Variants in GIT2 observed in about 807,000 individuals in gnomAD.
GIT2 encodes GIT ArfGAP 2.
In GIT2, 32 loss-of-function variants were observed where a neutral mutation model predicts 100.3. The observed-to-expected ratio is 0.32, with a 90% confidence interval of 0.24 to 0.43. GIT2 has a LOEUF of 0.43. Ranked by LOEUF, GIT2 falls within the 20% of genes least tolerant of loss-of-function variation. The pLI is 1.00. For synonymous variants in GIT2, 353 were observed against 364.1 expected (o/e 0.97, Z 0.35); for missense variants, 737 against 975.1 (o/e 0.76, Z 3.25).
intron 16 of GIT2, among the ~76,000 whole-genome samples, 157 bp downstream of exon 16, chr12:109,945,093 ATGTGGACGAG>A (rs1162449671): frequency 6.6e-6 from 1 of 152,182 alleles, no homozygotes; most frequent in East Asian, 1.9e-4. Context: ...GTGAGCGTGC[ATGTGGACGAG>A]TGTGAGCCTG....
chr12:109,990,105 T>G (rs1888107728), intron 2 of GIT2, among the ~76,000 whole-genome samples: 1 of 152,192 alleles, frequency 6.6e-6, no homozygotes, highest in South Asian at 2.1e-4. Context: ...TAAACACTAT[T>G]TTCAACATTC....
intron 9 of GIT2, among the ~76,000 whole-genome samples, chr12:109,965,325 C>G (rs1333486720): frequency 6.6e-6 from 1 of 152,230 alleles, no homozygotes; most frequent in Non-Finnish European, 1.5e-5. Context: ...TTATCTGAAG[C>G]AGAACCAATG....
In GIT2 at chr12:109,938,490, C is replaced by T. The variant is rs141481476; in HGVS notation, c.1893G>A (p.Val631=). 365 of 1,613,846 alleles carry T rather than the reference C, an allele frequency of 2.3e-4. 2 individuals are homozygous for T. In the African/African-American group the frequency reaches 4.6e-3, roughly 20 times the overall value. The change falls in exon 18 of 20, where the codon GTG becomes GTA. Residue 631 remains valine (V), a synonymous_variant. Transcript: ENST00000355312. ...TGCTAGGGAGAGTGGGGCTTGGGGC[C>T]ACATGGGGTTCTGCTGTGTCTGGTA... is the stretch of plus-strand genomic sequence containing the variant. The part of the protein sequence containing the change: ...GLVPDTAEPH[V]APSPTLPSTE...
chr12:109,939,303 G>A, intron 16 of GIT2, 56 bp from the exon 17 acceptor site: 1 of 984,840 alleles, frequency 1.0e-6, no homozygotes, highest in Non-Finnish European at 1.6e-6. Flanking sequence ...CTTCTCAGGA[G>A]TCTTCCCCAG....
At chr12:109,968,855 A>G (rs9634317) in intron 7 of GIT2, among the ~76,000 whole-genome samples, 28,530 of 151,908 alleles carry the variant, frequency 0.19, 4,936 homozygotes, top group African/African-American at 0.47. Flanking sequence ...CTGAGTAGCC[A>G]GGACTACAGG....
chr12:109,980,848 G>T, intron 7 of GIT2, 104 bp downstream of exon 7: 1 of 744,446 alleles, frequency 1.3e-6, no homozygotes, highest in Non-Finnish European at 2.5e-6. Context: ...AGCTTTCTCA[G>T]TGATATGTTA....
At chr12:109,936,521 G>A (rs1317546743) in intron 18 of GIT2, among the ~76,000 whole-genome samples, 2 of 152,152 alleles carry the variant, frequency 1.3e-5, no homozygotes, top group Non-Finnish European at 2.9e-5. Flanking sequence ...TGACAAATGG[G>A]GTCACGGTGC....
At chr12:109,945,964 G>A (rs977605464) in intron 15 of GIT2, among the ~76,000 whole-genome samples, 23 of 151,984 alleles carry the variant, frequency 1.5e-4, no homozygotes, top group African/African-American at 1.4e-4. Flanking sequence ...ATGAAACCCC[G>A]TCTCTACTAA....
rs1872228330 is a variant in GIT2, at chr12:109,933,802, T to C, written c.2067+220A>G. 2.0e-6 allele frequency: 1 copy of C among 499,208 alleles called. No individual in the cohort carries two copies. The highest frequency in any genetic ancestry group is 3.7e-5 in the East Asian group (1 of 26,904). 30.9% of individuals were successfully genotyped at this position (499,208 alleles called of 1,614,324 possible). On this transcript the variant is annotated intron_variant, in intron 19 of 19. Coordinates refer to ENST00000355312, the MANE Select transcript of GIT2 (RefSeq NM_057169.5). The surrounding 1 kb of genome is among the most constrained non-coding windows in gnomAD (Gnocchi z 4.5). ...TTTTAGTAGAGACAGGGTCTCTCCA[T>C]GTTGGTCAGGCTGGCCTCGAACTCC...
At chr12:109,969,162 C>CTTTTTTTTT (rs71079595) in intron 7 of GIT2, among the ~76,000 whole-genome samples, 1 of 89,134 alleles carries the variant, frequency 1.1e-5, no homozygotes, top group African/African-American at 4.7e-5. Flanking sequence ...AAAACTTTTC[C>CTTTTTTTTT]TTTTTTTTTT....
rs565836526 is a variant in GIT2 at position 109,969,779 on chromosome 12, G to A, written c.719-2276C>T. Among the ~76,000 whole-genome samples the A allele has an allele frequency of 8.7e-5, 13 of 149,352 alleles. No homozygotes were observed. In the South Asian group the frequency reaches 2.1e-3, roughly 25 times the overall value. On this transcript the variant is annotated intron_variant, in intron 7 of 19. Transcript: ENST00000355312. ...TATGTTTTCTTTTTTTTTTTGAGAC[G>A]CGGTCTCACTCTGTCGCCCAGGCTG...
intron 9 of GIT2, among the ~76,000 whole-genome samples, chr12:109,964,313 T>A (rs933905853): frequency 6.6e-6 from 1 of 152,124 alleles, no homozygotes; most frequent in Non-Finnish European, 1.5e-5. Flanking sequence ...ATAAAACACA[T>A]TTATTTCATA....
At chr12:109,938,762 T>C in intron 17 of GIT2, 194 bp from the exon 18 acceptor site, 1 of 533,198 alleles carries the variant, frequency 1.9e-6, no homozygotes, top group South Asian at 2.9e-5. Context: ...GCTGGAAGTG[T>C]TGACTCTCAC....
At chr12:109,987,652 G>A (rs1887650980) in intron 4 of GIT2, among the ~76,000 whole-genome samples, 1 of 151,814 alleles carries the variant, frequency 6.6e-6, no homozygotes, top group East Asian at 2.0e-4. Context: ...ATTCTTTGTA[G>A]AGACGGGGTT....
At chr12:109,967,534 C>A in intron 7 of GIT2, 31 bp from the exon 8 acceptor site, 1 of 1,483,082 alleles carries the variant, frequency 6.7e-7, no homozygotes, top group South Asian at 1.1e-5. Context: ...AAGTTTTGTT[C>A]ATAGAAATGT....
Position 109,981,010 on chromosome 12 carries a change from C to T in GIT2, c.660G>A (p.Val220=). 1 of 1,613,418 alleles carries T rather than the reference C, an allele frequency of 6.2e-7. No homozygotes were observed. The change falls in exon 7 of 20, where the codon GTG becomes GTA. Residue 220 remains valine (V), a synonymous_variant. Transcript: ENST00000355312. Reference sequence around the variant, plus strand: ...TGTCCGTTAGCTCATACTGTATTTCCACGAGGCGCTCTGCCAGCTCATGGT... The same window carrying T: ...TGTCCGTTAGCTCATACTGTATTTCTACGAGGCGCTCTGCCAGCTCATGGT... ...GGHHELAERL[V]EIQYELTDRL... is the part of the protein sequence containing the mutation.
chr12:109,957,846 T>C (rs2136347696), intron 12 of GIT2, among the ~76,000 whole-genome samples: 1 of 152,336 alleles, frequency 6.6e-6, no homozygotes, highest in South Asian at 2.1e-4. Context: ...TGTGTTGTTC[T>C]ACATATAACA....
intron 13 of GIT2, chr12:109,952,609 C>T (rs1442009438): frequency 7.7e-6 from 4 of 519,440 alleles, no homozygotes; most frequent in African/African-American, 5.8e-5. Flanking sequence ...TTTCTGACTC[C>T]TCCACATGCC....
At chr12:109,952,646 A>G (rs1012272174) in intron 13 of GIT2, 5 of 519,556 alleles carry the variant, frequency 9.6e-6, no homozygotes, top group Admixed American at 3.9e-5. Context: ...CTTGAGGCGC[A>G]TCTTAAGAGC....
Sources: gnomAD v4.1 joint callset for allele counts (sites outside exome capture counted in the v4.1 genomes callset) on GRCh38, gnomAD v4.1.1 for gene constraint, Gnocchi (gnomAD v3.1) non-coding constraint, MANE v1.5 for transcripts, NCBI Gene and HGNC (gene_info 2026-07-23, HGNC 2026-07-21) for gene names.